Variants in SCHIP1 observed in about 807,000 individuals in gnomAD.
The protein encoded by SCHIP1 is schwannomin interacting protein 1, also known as schwannomin-interacting protein 1.
SCHIP1 carries 8 observed loss-of-function variants against 29.7 expected under a neutral mutation model. The ratio of observed to expected loss-of-function variants is 0.27; its 90% CI spans 0.16 to 0.49. The LOEUF (loss-of-function observed/expected upper bound fraction) is 0.49. Among genes scored for constraint, SCHIP1 ranks in the 20% least tolerant of loss-of-function variants. The probability of loss-of-function intolerance (pLI) is 0.99; values close to 1 mark genes in which losing one functional copy is unlikely to be tolerated. For synonymous variants in SCHIP1, 76 were observed against 94.9 expected, an observed-to-expected ratio of 0.80 and a Z score of 1.16; for missense variants, 193 against 294.6, an observed-to-expected ratio of 0.66 and a Z score of 2.52.
At chr3:159,614,322 A>G in the SCHIP1 span, among the ~76,000 whole-genome samples, 1 of 152,260 alleles carries the variant, frequency 6.6e-6, no homozygotes, top group Non-Finnish European at 1.5e-5. Flanking sequence ...TCTAAAGGCC[A>G]TAATTTCTTT....
the SCHIP1 span, among the ~76,000 whole-genome samples, chr3:159,279,126 A>G: frequency 6.6e-6 from 1 of 152,244 alleles, no homozygotes; most frequent in Middle Eastern, 3.4e-3. Context: ...CTCACCTTGA[A>G]TTGTAGCTCC....
chr3:159,674,702 G>T, the SCHIP1 span, among the ~76,000 whole-genome samples: 370 of 151,226 alleles, frequency 2.4e-3, no homozygotes, highest in Non-Finnish European at 4.3e-3. Flanking sequence ...ATATAAGCAA[G>T]GCCACTGCTC....
chr3:159,838,900 C>CAAAA (rs546361167), upstream of SCHIP1, among the ~76,000 whole-genome samples: 1 of 58,514 alleles, frequency 1.7e-5, no homozygotes, highest in Admixed American at 1.8e-4. Context: ...GACTCCATCT[C>CAAAA]AAAAAAAAAA....
At chr3:159,361,228 G>A in the SCHIP1 span, among the ~76,000 whole-genome samples, 30,591 of 152,154 alleles carry the variant, frequency 0.2, 4,333 homozygotes, top group African/African-American at 0.4. Flanking sequence ...GAGTGCTACA[G>A]GATGATATGG....
the SCHIP1 span, among the ~76,000 whole-genome samples, chr3:159,335,438 C>A: frequency 6.6e-6 from 1 of 151,984 alleles, no homozygotes; most frequent in East Asian, 1.9e-4. Flanking sequence ...GTGTGCTGCA[C>A]CCATTAACTC....
chr3:159,700,592 G>A, the SCHIP1 span, among the ~76,000 whole-genome samples: 1 of 152,124 alleles, frequency 6.6e-6, no homozygotes, highest in African/African-American at 2.4e-5. Flanking sequence ...GGCCGAGGCT[G>A]GTGGGTCACC....
the SCHIP1 span, among the ~76,000 whole-genome samples, chr3:159,704,417 T>TAAAA: frequency 3.0e-3 from 275 of 92,626 alleles, 5 homozygotes; most frequent in African/African-American, 0.01. Context: ...CAATTTTTTC[T>TAAAA]AAAAAAAAAA....
At chr3:159,388,554 A>G in the SCHIP1 span, among the ~76,000 whole-genome samples, 1 of 152,122 alleles carries the variant, frequency 6.6e-6, no homozygotes, top group African/African-American at 2.4e-5. Context: ...TCTTTTGTGG[A>G]AGTGGACAAG....
At chr3:159,274,048 T>C in the SCHIP1 span, 1 of 982,450 alleles carries the variant, frequency 1.0e-6, no homozygotes, top group Non-Finnish European at 1.2e-6. Flanking sequence ...GAATGTTCAT[T>C]TGAAAAAAAT....
the SCHIP1 span, among the ~76,000 whole-genome samples, chr3:159,689,629 G>T: frequency 6.6e-6 from 1 of 152,066 alleles, no homozygotes. Flanking sequence ...AACTTCCAAT[G>T]CTGTGTTGAA....
chr3:159,550,176 C>T, the SCHIP1 span, among the ~76,000 whole-genome samples: 29 of 126,702 alleles, frequency 2.3e-4, no homozygotes, highest in African/African-American at 7.1e-4. Flanking sequence ...AGTTTGTATT[C>T]CCAACCTGCT....
the SCHIP1 span, among the ~76,000 whole-genome samples, chr3:159,371,470 T>C: frequency 6.6e-6 from 1 of 152,190 alleles, no homozygotes. Context: ...ATCAATTGGA[T>C]GAGACTAGAG....
At chr3:159,385,341 T>C in the SCHIP1 span, among the ~76,000 whole-genome samples, 1 of 152,172 alleles carries the variant, frequency 6.6e-6, no homozygotes, top group East Asian at 1.9e-4. Context: ...GCAGATCAGT[T>C]GAGGCCAGGA....
At chr3:159,448,393 C>A in the SCHIP1 span, among the ~76,000 whole-genome samples, 2 of 152,100 alleles carry the variant, frequency 1.3e-5, no homozygotes. Flanking sequence ...ATTGCTTGAA[C>A]CCGGGAGGTG....
chr3:159,547,330 A>G, the SCHIP1 span, among the ~76,000 whole-genome samples: 1 of 152,032 alleles, frequency 6.6e-6, no homozygotes, highest in Non-Finnish European at 1.5e-5. Flanking sequence ...TGTCAGATAG[A>G]GAGATTGCAA....
chr3:159,431,418 TAG>T, the SCHIP1 span, among the ~76,000 whole-genome samples: 1 of 152,080 alleles, frequency 6.6e-6, no homozygotes, highest in Non-Finnish European at 1.5e-5. Context: ...CCAGCCTGAA[TAG>T]AGTTTTATTT....
the SCHIP1 span, among the ~76,000 whole-genome samples, chr3:159,289,445 G>A: frequency 1.3e-5 from 2 of 152,078 alleles, no homozygotes; most frequent in African/African-American, 2.4e-5. Context: ...TGCCTTAGAG[G>A]TTTGCGTATC....
the SCHIP1 span, among the ~76,000 whole-genome samples, chr3:159,353,673 CTG>C: frequency 6.6e-6 from 1 of 152,078 alleles, no homozygotes; most frequent in African/African-American, 2.4e-5. Flanking sequence ...TTCATTCGTC[CTG>C]TGTGATACTA....
chr3:159,632,239 C>G, the SCHIP1 span, among the ~76,000 whole-genome samples: 1 of 152,164 alleles, frequency 6.6e-6, no homozygotes, highest in Non-Finnish European at 1.5e-5. Context: ...TGTGAGCCTT[C>G]TGCAAAGCTT....
Sources: allele counts gnomAD v4.1 joint callset (sites outside exome capture counted in the v4.1 genomes callset), GRCh38; gene constraint gnomAD v4.1.1; transcripts MANE v1.5; gene names NCBI Gene and HGNC (gene_info 2026-07-23, HGNC 2026-07-21).